Variants in CCDC171 observed in about 807,000 individuals in gnomAD.
CCDC171 encodes the protein coiled-coil domain containing 171.
Under a neutral mutation model 168.2 loss-of-function variants are expected in CCDC171, and 177 were observed. That is an observed-to-expected ratio of 1.05 (90% CI 0.93 to 1.19). CCDC171 has a LOEUF of 1.19. Ranked by LOEUF, CCDC171 falls within the 50% of genes most tolerant of loss-of-function variation. The pLI is 0.00. For synonymous variants in CCDC171, 687 were observed against 540.8 expected (o/e 1.27, Z -3.75); for missense variants, 1,991 against 1,539.0 (o/e 1.29, Z -4.91).
intron 11 of CCDC171, 72 bp from the exon 12 acceptor site, chr9:15,721,697 C>T (rs2053490070): frequency 5.8e-6 from 4 of 686,356 alleles, no homozygotes; most frequent in South Asian, 5.5e-5. Context: ...TGTAGTATCT[C>T]TGTTACTATT....
At chr9:15,667,209 C>G (rs1028102062) in intron 9 of CCDC171, among the ~76,000 whole-genome samples, 3 of 152,188 alleles carry the variant, frequency 2.0e-5, no homozygotes, top group Admixed American at 6.5e-5. Flanking sequence ...ATTTCCCCCC[C>G]CAGAGGGTGA....
At chr9:15,596,066 T>C (rs1406742267) in intron 6 of CCDC171, among the ~76,000 whole-genome samples, 1 of 152,206 alleles carries the variant, frequency 6.6e-6, no homozygotes, top group Non-Finnish European at 1.5e-5. Flanking sequence ...ATGAGTAGAT[T>C]GCAAAAATTT....
intron 21 of CCDC171, among the ~76,000 whole-genome samples, chr9:15,839,379 G>A (rs1238702939): frequency 6.6e-6 from 1 of 152,180 alleles, no homozygotes; most frequent in African/African-American, 2.4e-5. Context: ...AAAATCTGAA[G>A]ACGTTGTTAC....
At chr9:16,108,226 C>T in the CCDC171 span, among the ~76,000 whole-genome samples, 6 of 152,288 alleles carry the variant, frequency 3.9e-5, no homozygotes, top group Non-Finnish European at 8.8e-5. Flanking sequence ...TTGAGCTTTC[C>T]AGTCATTTGT....
the CCDC171 span, among the ~76,000 whole-genome samples, chr9:16,101,954 C>A: frequency 6.6e-6 from 1 of 152,202 alleles, no homozygotes; most frequent in African/African-American, 2.4e-5. Flanking sequence ...ATGCCAGACT[C>A]CTGAACCAGG....
intron 22 of CCDC171, 108 bp downstream of exon 22, chr9:15,846,955 T>G: frequency 1.2e-6 from 1 of 865,164 alleles, no homozygotes; most frequent in Non-Finnish European, 1.7e-6. Flanking sequence ...AAAACAAAAG[T>G]ACAGCTGTCT....
the CCDC171 span, among the ~76,000 whole-genome samples, chr9:16,082,939 C>G: frequency 6.6e-6 from 1 of 152,198 alleles, no homozygotes; most frequent in Non-Finnish European, 1.5e-5. Flanking sequence ...CACAGTCCAG[C>G]TGCTGCCATA....
At chr9:15,837,679 T>C (rs1588768971) in intron 21 of CCDC171, among the ~76,000 whole-genome samples, 1 of 152,242 alleles carries the variant, frequency 6.6e-6, no homozygotes, top group Admixed American at 6.5e-5. Context: ...GATTTAGTTG[T>C]GAGCCTTCAT....
intron 22 of CCDC171, 55 bp from the exon 23 acceptor site, chr9:15,848,838 A>C (rs571948209): frequency 5.3e-6 from 5 of 941,442 alleles, no homozygotes; most frequent in Middle Eastern, 2.3e-4. Context: ...TAAAATGTGT[A>C]ACAGTTGTAG....
chr9:16,073,359 G>A, the CCDC171 span, among the ~76,000 whole-genome samples: 8 of 152,286 alleles, frequency 5.3e-5, no homozygotes, highest in East Asian at 1.4e-3. Flanking sequence ...CTGCAGGAAG[G>A]CTATTATGTT....
At chr9:15,883,992 G>A (rs180929985) in intron 24 of CCDC171, among the ~76,000 whole-genome samples, 7 of 152,248 alleles carry the variant, frequency 4.6e-5, no homozygotes, top group Non-Finnish European at 1.0e-4. Context: ...TCCCCCTGTA[G>A]ACACAAATTA....
At chr9:16,039,430 T>G (rs1285023069), upstream of CCDC171, among the ~76,000 whole-genome samples, 2 of 152,244 alleles carry the variant, frequency 1.3e-5, no homozygotes, top group African/African-American at 4.8e-5. Flanking sequence ...CAGCTGAGGC[T>G]GCAGAAAGTC....
rs554167439 is a variant in CCDC171 at position 15,600,841 on chromosome 9, G to A, written c.675+6669G>A. The stretch of plus-strand genomic sequence containing the variant: ...TACTCAAGCCTCCACAATGGCGGGC[G>A]TCCCTCCCCCAGCCTCGCTGCCACC... On this transcript the variant is annotated intron_variant, in intron 6 of 25. Transcript: ENST00000380701. Among the ~76,000 whole-genome samples the A allele has an allele frequency of 1.6e-4, 24 of 152,332 alleles. No homozygotes were observed. The South Asian group carries it at 4.1e-3, about 26-fold the overall frequency.
chr9:15,876,407 C>T (rs896579778), intron 24 of CCDC171, among the ~76,000 whole-genome samples: 4 of 152,080 alleles, frequency 2.6e-5, no homozygotes, highest in Non-Finnish European at 5.9e-5. Context: ...TTAATTCTCA[C>T]AATGAGCCTG....
intron 9 of CCDC171, among the ~76,000 whole-genome samples, chr9:15,673,685 C>G (rs2133302105): frequency 6.6e-6 from 1 of 152,234 alleles, no homozygotes; most frequent in South Asian, 2.1e-4. Flanking sequence ...GCTTTGCATC[C>G]CAGGGATGAA....
At chr9:15,747,170 A>T (rs2055355963) in intron 18 of CCDC171, among the ~76,000 whole-genome samples, 1 of 152,220 alleles carries the variant, frequency 6.6e-6, no homozygotes, top group Non-Finnish European at 1.5e-5. Flanking sequence ...AGCCTACCGC[A>T]GCTCAGCAAG....
At chr9:15,785,350 A>T (rs1247022652) in intron 21 of CCDC171, among the ~76,000 whole-genome samples, 1 of 152,148 alleles carries the variant, frequency 6.6e-6, no homozygotes, top group Non-Finnish European at 1.5e-5. Flanking sequence ...AAATCCAGGG[A>T]AACAAAAATG....
chr9:15,747,133 A>G (rs986954503), intron 18 of CCDC171, among the ~76,000 whole-genome samples: 1 of 152,210 alleles, frequency 6.6e-6, no homozygotes, highest in Non-Finnish European at 1.5e-5. Flanking sequence ...GTGTAAACCA[A>G]GTTGCCGGGA....
Position 16,009,835 on chromosome 9 carries a change from A to G in CCDC171, n.369-10754A>G, listed in dbSNP as rs1004106212. On this transcript the variant is annotated intron_variant and non_coding_transcript_variant, in intron 3 of 9. Coordinates refer to the CCDC171 transcript ENST00000486641. ...TTTTATTTGAGCTGCTATAAAAATAAATTTGAGGAAAAAAATAAATCTTGA... is the reference window on the plus strand; with the variant it reads ...TTTTATTTGAGCTGCTATAAAAATAGATTTGAGGAAAAAAATAAATCTTGA... Among the ~76,000 whole-genome samples, 5 of 152,310 alleles carry G rather than the reference A, an allele frequency of 3.3e-5. No individual in the cohort carries two copies. In the East Asian group the frequency reaches 9.6e-4, roughly 29 times the overall value.
Sources: allele counts gnomAD v4.1 joint callset (sites outside exome capture counted in the v4.1 genomes callset), GRCh38; gene constraint gnomAD v4.1.1; transcripts MANE v1.5; gene names NCBI Gene and HGNC (gene_info 2026-07-23, HGNC 2026-07-21).